Variants in ANKH observed in about 807,000 individuals in gnomAD.
The protein encoded by ANKH is ANKH inorganic pyrophosphate transport regulator.
ANKH carries 15 observed loss-of-function variants against 49.0 expected under a neutral mutation model. The observed-to-expected ratio is 0.31, with a 90% CI of 0.20 to 0.47. The LOEUF (loss-of-function observed/expected upper bound fraction) is 0.47. ANKH is among the 20% of genes least tolerant of loss of function. The pLI is 1.00. For missense variants in ANKH, 429 were observed against 652.0 expected, an observed-to-expected ratio of 0.66 and a Z score of 3.72; for synonymous variants, 273 against 260.0, an observed-to-expected ratio of 1.05 and a Z score of -0.48.
At position 14,710,814 on chromosome 5, in the gene ANKH, CTG is replaced by C. The variant is rs1161003470; in HGVS notation, c.*381_*382del. On this transcript the variant is annotated 3_prime_UTR_variant, in exon 12 of 12. Coordinates refer to ENST00000284268, the MANE Select transcript of ANKH (RefSeq NM_054027.6). Reference sequence around the variant, plus strand: ...GAGCGATGAAGGGGGACAGGAGAGTCTGTGGCCTGCTGTGCAGGGTGACCGAG... The same window carrying C: ...GAGCGATGAAGGGGGACAGGAGAGTCTGGCCTGCTGTGCAGGGTGACCGAG... The C allele has an allele frequency of 1.0e-5, 3 of 299,786 alleles. No homozygotes were observed. In the East Asian group the frequency reaches 2.6e-4, roughly 26 times the overall value. 18.6% of individuals were successfully genotyped at this position (299,786 alleles called of 1,614,324 possible).
intron 1 of ANKH, among the ~76,000 whole-genome samples, chr5:14,799,511 G>T (rs1458989183): frequency 1.3e-5 from 2 of 152,222 alleles, no homozygotes; most frequent in African/African-American, 4.8e-5. Flanking sequence ...TGATTCTCTT[G>T]TTAGGGGCTA....
chr5:14,775,054 T>TC (rs1561049752), intron 1 of ANKH, among the ~76,000 whole-genome samples: 3 of 60,316 alleles, frequency 5.0e-5, no homozygotes, highest in East Asian at 6.6e-4. Context: ...CACACATAAG[T>TC]CCCCTTTTTT....
intron 1 of ANKH, among the ~76,000 whole-genome samples, chr5:14,793,037 A>AAAAT (rs1740240245): frequency 4.6e-4 from 26 of 56,208 alleles, no homozygotes; most frequent in African/African-American, 1.9e-3. Flanking sequence ...TATATATAAA[A>AAAAT]ATATATATAT....
At chr5:14,782,264 C>T (rs1739831148) in intron 1 of ANKH, among the ~76,000 whole-genome samples, 1 of 152,098 alleles carries the variant, frequency 6.6e-6, no homozygotes, top group African/African-American at 2.4e-5. Flanking sequence ...ACTGAGTGCT[C>T]ACCCTGTGGC....
chr5:14,799,925 A>G (rs948113429), intron 1 of ANKH, among the ~76,000 whole-genome samples: 23 of 152,168 alleles, frequency 1.5e-4, no homozygotes, highest in Non-Finnish European at 2.4e-4. Context: ...GATTCCACTG[A>G]TGGATCTGGG....
At chr5:14,744,921 G>A (rs1199217115) in intron 7 of ANKH, among the ~76,000 whole-genome samples, 1 of 152,206 alleles carries the variant, frequency 6.6e-6, no homozygotes, top group Non-Finnish European at 1.5e-5. Context: ...AGGTCAGGCC[G>A]GCGGTGGGGG....
chr5:14,825,150 TAA>T (rs1188538891), intron 1 of ANKH, among the ~76,000 whole-genome samples: 1 of 152,158 alleles, frequency 6.6e-6, no homozygotes, highest in East Asian at 1.9e-4. Context: ...CCAAGATTTT[TAA>T]AAGACACATG....
chr5:14,768,158 T>G (rs1739312617), intron 2 of ANKH: 1 of 152,252 alleles, frequency 6.6e-6, no homozygotes, highest in Non-Finnish European at 1.5e-5. Context: ...GTAAACGGTC[T>G]GGGTTAATCT....
chr5:14,713,689 T>C lies in ANKH; in HGVS notation c.1142-22A>G. On this transcript the variant is annotated intron_variant, in intron 9 of 11. Transcript: ENST00000284268. The surrounding 1 kb of genome is among the most constrained non-coding windows in gnomAD (Gnocchi z 4.4). The stretch of plus-strand genomic sequence containing the variant: ...GTGACTGTTGGGAGGAGCAAAGGAC[T>C]CGTCAGCCGTGCCCGCCATCCACTC... 1 of 1,612,798 alleles carries C rather than the reference T, an allele frequency of 6.2e-7. No individual in the cohort carries two copies. Among genetic ancestry groups the C allele is most frequent in the Non-Finnish European group, 8.5e-7 (1 of 1,179,888 alleles).
chr5:14,850,448 C>T (rs566835822), intron 1 of ANKH, among the ~76,000 whole-genome samples: 1 of 152,348 alleles, frequency 6.6e-6, no homozygotes, highest in East Asian at 1.9e-4. Flanking sequence ...CATTTGAAAG[C>T]TTATATTTTC....
chr5:14,857,615 G>A (rs1382319249), intron 1 of ANKH, among the ~76,000 whole-genome samples: 2 of 151,922 alleles, frequency 1.3e-5, no homozygotes, highest in South Asian at 2.1e-4. Flanking sequence ...TGGAGATCGC[G>A]CCACTGCACT....
At chr5:14,832,141 T>TTATA (rs151161789) in intron 1 of ANKH, among the ~76,000 whole-genome samples, 2 of 151,920 alleles carry the variant, frequency 1.3e-5, no homozygotes, top group African/African-American at 4.8e-5. Context: ...TACAGGTGGT[T>TTATA]TATATATATA....
chr5:14,811,693 T>C (rs1456682750), intron 1 of ANKH, among the ~76,000 whole-genome samples: 1 of 152,228 alleles, frequency 6.6e-6, no homozygotes, highest in Non-Finnish European at 1.5e-5. Flanking sequence ...ACTTTCCTTG[T>C]AGTCTCTAGG....
In ANKH at chr5:14,706,236, T is replaced by A. The variant is rs1307273034; in HGVS notation, c.*4961A>T. On this transcript the variant is annotated 3_prime_UTR_variant, in exon 12 of 12. Coordinates refer to ENST00000284268, the MANE Select transcript of ANKH (RefSeq NM_054027.6). ...TACTATATAAAAAAAATTTGCTGAA[T>A]CTATGTGTAGCTGACAGCCACCTAT... 6.6e-6 allele frequency: 1 copy of A among 152,240 alleles called. No homozygotes were observed. Among genetic ancestry groups the A allele is most frequent in the African/African-American group, 2.4e-5 (1 of 41,452 alleles). The allele number at this position is 152,240 out of a possible 1,614,324, so 9.4% of individuals were successfully genotyped here. A position where few individuals can be genotyped will look rare whatever the true frequency, so the allele number is the denominator to read the frequency against.
At chr5:14,753,713 G>C (rs1295478605) in intron 4 of ANKH, among the ~76,000 whole-genome samples, 3 of 151,894 alleles carry the variant, frequency 2.0e-5, no homozygotes, top group Non-Finnish European at 2.9e-5. Context: ...AAATAATGAC[G>C]GCAAAGAAAA....
chr5:14,747,864 T>C (rs540919767), intron 6 of ANKH, among the ~76,000 whole-genome samples: 3 of 152,168 alleles, frequency 2.0e-5, no homozygotes, highest in Non-Finnish European at 4.4e-5. Context: ...GCTCCCCAGC[T>C]GTGCGAAGCA....
intron 1 of ANKH, among the ~76,000 whole-genome samples, chr5:14,856,943 T>C (rs565104451): frequency 5.9e-5 from 9 of 152,236 alleles, no homozygotes; most frequent in Admixed American, 4.6e-4. Flanking sequence ...TTTTTTCTCC[T>C]TTCCCACCCA....
At chr5:14,806,812 C>A (rs2126567507) in intron 1 of ANKH, among the ~76,000 whole-genome samples, 1 of 152,302 alleles carries the variant, frequency 6.6e-6, no homozygotes, top group African/African-American at 2.4e-5. Context: ...TGAACTGATG[C>A]CTATGCAGTC....
chr5:14,732,699 G>A (rs1332391994), intron 8 of ANKH, among the ~76,000 whole-genome samples: 1 of 152,110 alleles, frequency 6.6e-6, no homozygotes, highest in African/African-American at 2.4e-5. Context: ...CTTAAAAGGT[G>A]AGCAATTCTT....
Sources: allele counts gnomAD v4.1 joint callset (sites outside exome capture counted in the v4.1 genomes callset), GRCh38; gene constraint gnomAD v4.1.1; non-coding constraint Gnocchi (gnomAD v3.1); transcripts MANE v1.5; gene names NCBI Gene and HGNC (gene_info 2026-07-23, HGNC 2026-07-21).